The following OAF variants were observed in gnomAD, a reference collection of about 807,000 sequenced individuals.
OAF encodes out at first protein homolog.
OAF carries 13 observed loss-of-function variants against 22.5 expected under a neutral mutation model. That is an observed-to-expected ratio of 0.58 (90% CI 0.38 to 0.92). The LOEUF (loss-of-function observed/expected upper bound fraction) is 0.92. OAF is among the 40% of genes least tolerant of loss of function. The pLI, the probability that OAF is intolerant of heterozygous loss-of-function variation, is 0.00. For synonymous variants in OAF, 175 were observed against 170.5 expected (o/e 1.03, Z -0.21); for missense variants, 347 against 381.8 (o/e 0.91, Z 0.76).
intron 2 of OAF, among the ~76,000 whole-genome samples, chr11:120,226,018 C>A (rs1289552807): frequency 6.6e-6 from 1 of 152,138 alleles, no homozygotes; most frequent in Non-Finnish European, 1.5e-5. Context: ...CCCTGGTACC[C>A]CATTCACCCT....
chr11:120,215,192 A>G (rs896141186), intron 1 of OAF, among the ~76,000 whole-genome samples: 2 of 152,174 alleles, frequency 1.3e-5, no homozygotes, highest in African/African-American at 4.8e-5. Flanking sequence ...AAAAAATAAA[A>G]AATAAAAAAA....
At position 120,225,669 on chromosome 11, in the gene OAF, G is replaced by A; in HGVS notation, c.240G>A (p.Lys80=). The part of the protein sequence containing the change: ...SFTADFKKDV[K]VFRALILGEL... ...CTCCTGCCCTTCTTCAGGATGTGAA[G>A]GTCTTCCGGGCCCTGATCCTGGGGG... The change falls in exon 2 of 4, where the codon AAG becomes AAA. Residue 80 remains lysine, a synonymous_variant. Transcript: ENST00000328965. The A allele has an allele frequency of 6.3e-7, 1 of 1,596,294 alleles. No homozygotes were observed. The highest frequency in any genetic ancestry group is 8.5e-7 in the Non-Finnish European group (1 of 1,172,018).
intron 2 of OAF, among the ~76,000 whole-genome samples, 180 bp from the exon 3 acceptor site, chr11:120,226,636 C>G (rs777421961): frequency 6.6e-6 from 1 of 152,222 alleles, no homozygotes; most frequent in African/African-American, 2.4e-5. Context: ...TGAAAAGGCT[C>G]GACTGTACTC....
intron 1 of OAF, among the ~76,000 whole-genome samples, chr11:120,219,665 T>C (rs1002235794): frequency 1.3e-5 from 2 of 152,080 alleles, no homozygotes; most frequent in African/African-American, 4.8e-5. Flanking sequence ...CAGGGAGGAA[T>C]TGAGTATCTG....
At chr11:120,222,463 G>A (rs1333491188) in intron 1 of OAF, among the ~76,000 whole-genome samples, 3 of 152,126 alleles carry the variant, frequency 2.0e-5, no homozygotes, top group South Asian at 2.1e-4. Context: ...GGCTGAGGCC[G>A]GAGAATTGCT....
At chr11:120,227,790 C>G (rs1005314664) in intron 3 of OAF, among the ~76,000 whole-genome samples, 4 of 152,132 alleles carry the variant, frequency 2.6e-5, no homozygotes, top group African/African-American at 9.7e-5. Context: ...CTGCTCCTCC[C>G]AGGGCAGGCC....
intron 1 of OAF, among the ~76,000 whole-genome samples, chr11:120,212,517 AGAGGCCCTGT>A (rs1350113675): frequency 6.6e-6 from 1 of 151,896 alleles, no homozygotes; most frequent in Non-Finnish European, 1.5e-5. Context: ...CCAGCTAAAG[AGAGGCCCTGT>A]GAGGCTCTGT....
intron 2 of OAF, among the ~76,000 whole-genome samples, 194 bp downstream of exon 2, chr11:120,225,989 G>A (rs954275998): frequency 2.6e-5 from 4 of 151,982 alleles, no homozygotes; most frequent in Non-Finnish European, 5.9e-5. Context: ...TGGACCCACT[G>A]CCCTTGACCT....
Position 120,213,598 on chromosome 11 carries a change from G to C in OAF, c.231+2088G>C, listed in dbSNP as rs1443406540. 6 of 152,296 alleles carry C rather than the reference G, an allele frequency of 3.9e-5. No homozygotes were observed. The East Asian group carries it at 7.7e-4, about 20-fold the overall frequency. The allele number at this position is 152,296 out of a possible 1,614,324, so 9.4% of individuals were successfully genotyped here. Reference sequence around the variant, plus strand: ...GGGGTGGAGTTGGAGAGTGCAGTGTGGGGGAGAATAGCCTTACCCTCACCC... The same window carrying C: ...GGGGTGGAGTTGGAGAGTGCAGTGTCGGGGAGAATAGCCTTACCCTCACCC... On this transcript the variant is annotated intron_variant, in intron 1 of 3. Transcript: ENST00000328965.
At chr11:120,226,329 C>G (rs1296549989) in intron 2 of OAF, among the ~76,000 whole-genome samples, 2 of 152,278 alleles carry the variant, frequency 1.3e-5, no homozygotes, top group Non-Finnish European at 2.9e-5. Flanking sequence ...TGCCGGCCTG[C>G]TCCTGCTGTC....
At chr11:120,227,047 G>A (rs1447429064) in intron 3 of OAF, 51 bp downstream of exon 3, 2 of 1,398,554 alleles carry the variant, frequency 1.4e-6, no homozygotes, top group Admixed American at 1.8e-5. Context: ...GAAGGGGACA[G>A]GGAGACAGCA....
chr11:120,225,634 C>T lies in OAF; in HGVS notation c.232-27C>T, dbSNP rs777848837. The T allele has an allele frequency of 2.0e-5, 32 of 1,564,606 alleles. No individual in the cohort carries two copies. In the East Asian group the frequency reaches 2.7e-4, roughly 13 times the overall value. ...GTGGGAAGGTCCCACACCCTCCAGC[C>T]GTTCCCATCCTCCTGCCCTTCTTCA... On this transcript the variant is annotated intron_variant, in intron 1 of 3. Transcript: ENST00000328965.
rs773555799 is a variant in OAF at position 120,211,484 on chromosome 11, G to A, written c.205G>A (p.Val69Ile). The A allele has an allele frequency of 5.4e-6, 8 of 1,493,216 alleles. No individual in the cohort carries two copies. The East Asian group carries it at 8.1e-5, about 15-fold the overall frequency. The allele number at this position is 1,493,216 out of a possible 1,614,324, so 92.5% of individuals were successfully genotyped here. The change falls in exon 1 of 4, where the codon GTC becomes ATC. Residue 69 changes from valine to isoleucine, a missense_variant. Physicochemically the swap from Val to Ile is conservative, Grantham distance 29 (BLOSUM62 3). Coordinates refer to ENST00000328965, the MANE Select transcript of OAF (RefSeq NM_178507.4). ...LELRKPDGTL[V>I]SFTADFKKDV... ...GCTGCGCAAGCCCGACGGCACCCTC[G>A]TCTCCTTCACCGCCGACTTCAAGAA...
rs771067831 is a variant in OAF, at chr11:120,226,964, G to A, written c.515G>A (p.Arg172His). 3.0e-5 allele frequency: 48 copies of A among 1,603,094 alleles called. No homozygotes were observed. The highest frequency in any genetic ancestry group is 3.3e-5 in the Non-Finnish European group (39 of 1,171,400). ...CAEAVDAIYTRQEDVRFWLEQ... is the reference protein window; with the variant it reads ...CAEAVDAIYTHQEDVRFWLEQ... Reference sequence around the variant, plus strand: ...GAGGCCGTGGATGCCATCTACACCCGCCAGGAGGATGTCCGGTTCTGGCTG... The same window carrying A: ...GAGGCCGTGGATGCCATCTACACCCACCAGGAGGATGTCCGGTTCTGGCTG... Residue 172 changes from arginine to histidine, a missense_variant, in exon 3 of 4, where the codon CGC (arginine) becomes CAC (histidine). Physicochemically the swap from Arg to His is conservative, Grantham distance 29. Transcript: ENST00000328965.
chr11:120,219,484 A>G (rs1298979241), intron 1 of OAF, among the ~76,000 whole-genome samples: 1 of 152,134 alleles, frequency 6.6e-6, no homozygotes, highest in Non-Finnish European at 1.5e-5. Flanking sequence ...CAGCCCCGCT[A>G]TCCCCTGGGA....
At chr11:120,212,662 C>CT (rs757427471) in intron 1 of OAF, among the ~76,000 whole-genome samples, 1 of 149,066 alleles carries the variant, frequency 6.7e-6, no homozygotes, top group South Asian at 2.2e-4. Flanking sequence ...GGAGAGGTGG[C>CT]GGAGTTTGGG....
intron 1 of OAF, among the ~76,000 whole-genome samples, chr11:120,220,730 G>A (rs1938270282): frequency 6.6e-6 from 1 of 152,202 alleles, no homozygotes; most frequent in Admixed American, 6.5e-5. Flanking sequence ...AGAAGAACCT[G>A]CTCACAGAAA....
In OAF at chr11:120,229,422, C is replaced by G. The variant is rs1591361885; in HGVS notation, c.*280C>G. On this transcript the variant is annotated 3_prime_UTR_variant, in exon 4 of 4. Coordinates refer to ENST00000328965, the MANE Select transcript of OAF (RefSeq NM_178507.4). ...TACACCCCTCCCTCCTGCATCTCCC[C>G]TGGAGTGTTCACTTGCAAGCTGCCA... The G allele has an allele frequency of 9.7e-6, 4 of 412,106 alleles. No homozygotes were observed. The East Asian group carries it at 1.7e-4, about 17-fold the overall frequency. 25.5% of individuals were successfully genotyped at this position (412,106 alleles called of 1,614,324 possible).
chr11:120,228,786 G>A (rs1938394220), intron 3 of OAF, 82 bp from the exon 4 acceptor site: 2 of 1,103,818 alleles, frequency 1.8e-6, no homozygotes, highest in East Asian at 4.9e-5. Flanking sequence ...AGACCAAGTG[G>A]GGAATGGCAG....
Sources: gnomAD v4.1 joint callset for allele counts (sites outside exome capture counted in the v4.1 genomes callset) on GRCh38, gnomAD v4.1.1 for gene constraint, MANE v1.5 for transcripts, NCBI Gene and HGNC (gene_info 2026-07-23, HGNC 2026-07-21) for gene names.